The following PDE1A variants were observed in gnomAD, a reference collection of about 807,000 sequenced individuals.
PDE1A encodes the protein dual specificity calcium/calmodulin-dependent 3',5'-cyclic nucleotide phosphodiesterase 1A.
Under a neutral mutation model 61.7 loss-of-function variants are expected in PDE1A, and 35 were observed. The ratio of observed to expected loss-of-function variants is 0.57; its 90% CI spans 0.43 to 0.75. PDE1A has a LOEUF of 0.75. PDE1A is among the 30% of genes least tolerant of loss of function. The probability of loss-of-function intolerance (pLI) is 0.00; values close to 1 mark genes in which losing one functional copy is unlikely to be tolerated. For synonymous variants in PDE1A, 232 were observed against 213.2 expected (o/e 1.09, Z -0.77); for missense variants, 597 against 630.6 (o/e 0.95, Z 0.57).
chr2:182,410,881 A>G (rs1702571933), intron 1 of PDE1A, among the ~76,000 whole-genome samples: 1 of 152,148 alleles, frequency 6.6e-6, no homozygotes, highest in Non-Finnish European at 1.5e-5. Context: ...TGTCTCCTCA[A>G]TGTCACTCTA....
the PDE1A span, among the ~76,000 whole-genome samples, chr2:182,690,368 G>A: frequency 2.0e-5 from 3 of 152,180 alleles, no homozygotes; most frequent in African/African-American, 7.2e-5. Context: ...TGCAAGGCTG[G>A]TTCAACATAC....
intron 1 of PDE1A, among the ~76,000 whole-genome samples, chr2:182,380,173 C>T (rs867355674): frequency 5.5e-5 from 8 of 144,770 alleles, no homozygotes; most frequent in Admixed American, 2.8e-4. Flanking sequence ...TGCAGTGGCA[C>T]GCTCTCAGCT....
chr2:182,520,099 G>A (rs1235774153), intron 2 of PDE1A, among the ~76,000 whole-genome samples: 1 of 151,830 alleles, frequency 6.6e-6, no homozygotes, highest in African/African-American at 2.4e-5. Context: ...CTAAAATTCT[G>A]TTTGAATCAA....
intron 1 of PDE1A, among the ~76,000 whole-genome samples, chr2:182,275,926 C>G (rs575486636): frequency 6.6e-6 from 1 of 152,122 alleles, no homozygotes; most frequent in South Asian, 2.1e-4. Flanking sequence ...ATACTTTTAC[C>G]TTTGGAAAAT....
chr2:182,246,029 T>A (rs1348623883), intron 2 of PDE1A, among the ~76,000 whole-genome samples: 1 of 152,220 alleles, frequency 6.6e-6, no homozygotes, highest in Non-Finnish European at 1.5e-5. Context: ...CTGACCCCTG[T>A]CAGTCTCTTC....
intron 1 of PDE1A, among the ~76,000 whole-genome samples, chr2:182,272,959 T>A (rs977210729): frequency 6.6e-6 from 1 of 152,108 alleles, no homozygotes; most frequent in Non-Finnish European, 1.5e-5. Flanking sequence ...GCACAATATC[T>A]CTTTTGAGAA....
the PDE1A span, among the ~76,000 whole-genome samples, chr2:182,612,997 G>A: frequency 6.6e-6 from 1 of 152,072 alleles, no homozygotes; most frequent in Non-Finnish European, 1.5e-5. Flanking sequence ...AATCTGCAGG[G>A]CAAGAAATGT....
chr2:182,431,117 AC>A (rs1258493158), upstream of PDE1A, among the ~76,000 whole-genome samples: 111 of 107,616 alleles, frequency 1.0e-3, 2 homozygotes, highest in East Asian at 0.03. Flanking sequence ...AAAAAAAAAA[AC>A]ATTAAAAAAA....
At chr2:182,277,381 G>A (rs998868480) in intron 1 of PDE1A, among the ~76,000 whole-genome samples, 5 of 152,040 alleles carry the variant, frequency 3.3e-5, no homozygotes, top group Non-Finnish European at 4.4e-5. Context: ...GAAATATTGC[G>A]GGCGGGTTCC....
the PDE1A span, among the ~76,000 whole-genome samples, chr2:182,585,573 C>G: frequency 6.6e-6 from 1 of 152,014 alleles, no homozygotes; most frequent in African/African-American, 2.4e-5. Context: ...GTTTTCAGTC[C>G]ACTTTCTTAA....
At position 182,411,580 on chromosome 2, in the gene PDE1A, G is replaced by C. The variant is rs13388711; in HGVS notation, c.53+14998C>G. ...GATACTACAAACAGTTTTTCAAGTT[G>C]TACCTCCTTTCAGTCCCATCGGCCA... On this transcript the variant is annotated intron_variant, in intron 1 of 13. Transcript: ENST00000351439. Among the ~76,000 whole-genome samples, 866 of 152,196 alleles carry C rather than the reference G, an allele frequency of 5.7e-3. 5 individuals are homozygous for C. Among genetic ancestry groups the C allele is most frequent in the African/African-American group, 0.019 (796 of 41,516 alleles).
the PDE1A span, among the ~76,000 whole-genome samples, chr2:182,709,491 C>T: frequency 2.0e-5 from 3 of 152,054 alleles, no homozygotes; most frequent in East Asian, 1.9e-4. Context: ...CTGATCTCAA[C>T]GAATTCAGTA....
intron 2 of PDE1A, among the ~76,000 whole-genome samples, chr2:182,243,296 T>C (rs2568672): frequency 0.71 from 108,353 of 152,042 alleles, 39,075 homozygotes; most frequent in African/African-American, 0.83. Flanking sequence ...AGAATTATGA[T>C]ATAAGGTTAA....
the PDE1A span, among the ~76,000 whole-genome samples, chr2:182,619,248 G>T: frequency 4.6e-5 from 7 of 152,152 alleles, no homozygotes; most frequent in South Asian, 1.0e-3. Context: ...TGGTCAAATA[G>T]AAAATTTACA....
At chr2:182,235,612 A>G (rs1249021568) in intron 3 of PDE1A, among the ~76,000 whole-genome samples, 1 of 152,212 alleles carries the variant, frequency 6.6e-6, no homozygotes, top group African/African-American at 2.4e-5. Flanking sequence ...CGGGACTCTG[A>G]AAGAAACATG....
upstream of PDE1A, among the ~76,000 whole-genome samples, chr2:182,431,896 G>A (rs191783828): frequency 3.0e-4 from 46 of 152,106 alleles, no homozygotes; most frequent in Admixed American, 2.1e-3. Flanking sequence ...CCCTACTCAA[G>A]TGTCATAACA....
chr2:182,622,089 T>C, the PDE1A span, among the ~76,000 whole-genome samples: 1 of 152,232 alleles, frequency 6.6e-6, no homozygotes, highest in East Asian at 1.9e-4. Context: ...GGGTTAAGTA[T>C]GCTCTAAATA....
At chr2:182,517,613 GA>G (rs1489774734) in intron 2 of PDE1A, among the ~76,000 whole-genome samples, 1 of 152,172 alleles carries the variant, frequency 6.6e-6, no homozygotes, top group Non-Finnish European at 1.5e-5. Flanking sequence ...TACGAGAAGA[GA>G]AATACAGGTT....
chr2:182,683,820 G>C, the PDE1A span, among the ~76,000 whole-genome samples: 13 of 152,202 alleles, frequency 8.5e-5, no homozygotes, highest in Admixed American at 7.2e-4. Flanking sequence ...ACAAACTGCT[G>C]ATAGAAATGC....
Sources: gnomAD v4.1 joint callset for allele counts (sites outside exome capture counted in the v4.1 genomes callset) on GRCh38, gnomAD v4.1.1 for gene constraint, MANE v1.5 for transcripts, NCBI Gene and HGNC (gene_info 2026-07-23, HGNC 2026-07-21) for gene names.